The following ANKFN1 variants were observed in gnomAD, a reference collection of about 807,000 sequenced individuals.
The protein encoded by ANKFN1 is ankyrin repeat and fibronectin type-III domain-containing protein 1.
In ANKFN1, 74 loss-of-function variants were observed where a neutral mutation model predicts 108.7. That is an observed-to-expected ratio of 0.68 (90% CI 0.56 to 0.83). The LOEUF is 0.83. Among genes scored for constraint, ANKFN1 ranks in the 40% least tolerant of loss-of-function variants. ANKFN1 has a pLI of 0.00. For synonymous variants in ANKFN1, 547 were observed against 516.2 expected (o/e 1.06, Z -0.81); for missense variants, 1,505 against 1,382.3 (o/e 1.09, Z -1.41).
At chr17:56,262,374 T>C (rs1449784395) in intron 3 of ANKFN1, among the ~76,000 whole-genome samples, 1 of 152,346 alleles carries the variant, frequency 6.6e-6, no homozygotes, top group East Asian at 1.9e-4. Context: ...ACCTATTTTA[T>C]TTTCAAGAAA....
At position 56,513,675 on chromosome 17, in the gene ANKFN1, G is replaced by C. The variant is rs1281052213; in HGVS notation, c.*2406G>C. 6.6e-6 allele frequency among the ~76,000 whole-genome samples: 1 copy of C among 152,098 alleles called. No homozygotes were observed. Among genetic ancestry groups the C allele is most frequent in the Admixed American group, 6.6e-5 (1 of 15,264 alleles). ...TTTGGTCAGTAAGTTCTGGCATACT[G>C]GACCAAAACTGCATTAATTTTAAAC... On this transcript the variant is annotated 3_prime_UTR_variant, in exon 21 of 21. Transcript: ENST00000682825.
chr17:56,275,855 A>AT (rs927025535), intron 3 of ANKFN1, among the ~76,000 whole-genome samples: 17 of 152,014 alleles, frequency 1.1e-4, no homozygotes, highest in African/African-American at 4.1e-4. Context: ...TCAGCACTGT[A>AT]TTTTTTTATT....
intron 3 of ANKFN1, among the ~76,000 whole-genome samples, chr17:56,291,617 A>C (rs16957049): frequency 2.0e-4 from 30 of 152,128 alleles, no homozygotes; most frequent in South Asian, 1.7e-3. Flanking sequence ...ACAGTGGCCT[A>C]GAGTAACCTT....
chr17:56,424,499 G>C (rs2048497352), intron 8 of ANKFN1, among the ~76,000 whole-genome samples: 2 of 152,200 alleles, frequency 1.3e-5, no homozygotes, highest in South Asian at 4.1e-4. Flanking sequence ...GAAAAATGTG[G>C]AAGAAGGTGT....
At position 56,511,291 on chromosome 17, in the gene ANKFN1, A is replaced by G; in HGVS notation, c.*22A>G. 3 of 1,492,226 alleles carry G rather than the reference A, an allele frequency of 2.0e-6. No individual in the cohort carries two copies. The highest frequency in any genetic ancestry group is 2.7e-6 in the Non-Finnish European group (3 of 1,121,614). The allele number at this position is 1,492,226 out of a possible 1,614,324, so 92.4% of individuals were successfully genotyped here. A position where few individuals can be genotyped will look rare whatever the true frequency, so the allele number is the denominator to read the frequency against. The stretch of plus-strand genomic sequence containing the variant: ...TTAGGGAGGCCCATCCCGGCTGTCC[A>G]CCCCTCCATGGCTGCTACCTGCGTT... On this transcript the variant is annotated 3_prime_UTR_variant, in exon 21 of 21. Transcript: ENST00000682825.
At chr17:56,073,581 A>G (rs1037282758) in intron 4 of ANKFN1, among the ~76,000 whole-genome samples, 1 of 152,226 alleles carries the variant, frequency 6.6e-6, no homozygotes, top group African/African-American at 2.4e-5. Context: ...TATATTCATA[A>G]TGTTGTAGAA....
chr17:56,333,400 A>C (rs965021691), intron 4 of ANKFN1, among the ~76,000 whole-genome samples: 1 of 152,130 alleles, frequency 6.6e-6, no homozygotes, highest in Non-Finnish European at 1.5e-5. Flanking sequence ...ATTGCTTTTT[A>C]TGAATCCATA....
chr17:56,058,600 C>A lies in ANKFN1; in HGVS notation c.288+12275C>A, dbSNP rs537525400. ...TTCCCTCCCCTTGCCCCCTACCCCC[C>A]AAAAGGCCCTGCTGTGTGTTGTTCC... On this transcript the variant is annotated intron_variant, in intron 4 of 12. Transcript: ENST00000635860. Among the ~76,000 whole-genome samples the A allele has an allele frequency of 4.2e-5, 6 of 141,472 alleles. No homozygotes were observed. The South Asian group carries it at 1.4e-3, about 33-fold the overall frequency. 92.8% of individuals were successfully genotyped at this position (141,472 alleles called of 152,430 possible).
chr17:56,336,540 T>G (rs1250705568), intron 4 of ANKFN1, among the ~76,000 whole-genome samples: 1 of 152,244 alleles, frequency 6.6e-6, no homozygotes, highest in East Asian at 1.9e-4. Flanking sequence ...TGGTAGTTTG[T>G]ATTTCTGTGG....
At chr17:56,493,553 T>G (rs138299013) in intron 19 of ANKFN1, among the ~76,000 whole-genome samples, 1 of 152,132 alleles carries the variant, frequency 6.6e-6, no homozygotes, top group Non-Finnish European at 1.5e-5. Flanking sequence ...AAGATGTCAA[T>G]GATAGCAGAT....
intron 4 of ANKFN1, among the ~76,000 whole-genome samples, chr17:56,111,818 C>A (rs74546441): frequency 0.013 from 1,964 of 152,276 alleles, 97 homozygotes; most frequent in Admixed American, 0.084. Flanking sequence ...ATACTGGTGG[C>A]ATAACTCATT....
At chr17:56,104,735 G>A (rs1905710212) in intron 4 of ANKFN1, among the ~76,000 whole-genome samples, 1 of 152,190 alleles carries the variant, frequency 6.6e-6, no homozygotes, top group South Asian at 2.1e-4. Flanking sequence ...CTTCTGCTCT[G>A]CTCCCTGGTA....
At chr17:56,228,898 T>C (rs1217951049) in intron 3 of ANKFN1, among the ~76,000 whole-genome samples, 2 of 152,136 alleles carry the variant, frequency 1.3e-5, no homozygotes, top group East Asian at 3.9e-4. Context: ...TTAGACATTC[T>C]AGTACCTATC....
chr17:56,505,684 A>G (rs1353075149), intron 20 of ANKFN1, among the ~76,000 whole-genome samples: 1 of 152,272 alleles, frequency 6.6e-6, no homozygotes, highest in African/African-American at 2.4e-5. Context: ...AGATATAAAT[A>G]CAATGCTCTA....
intron 3 of ANKFN1, among the ~76,000 whole-genome samples, chr17:56,265,103 C>T (rs2043615022): frequency 6.6e-6 from 1 of 152,116 alleles, no homozygotes; most frequent in Admixed American, 6.5e-5. Flanking sequence ...GATATAGGCT[C>T]ATGGGTTTTG....
chr17:56,415,221 A>G (rs1350814567), intron 8 of ANKFN1, among the ~76,000 whole-genome samples: 2 of 152,206 alleles, frequency 1.3e-5, no homozygotes, highest in South Asian at 2.1e-4. Flanking sequence ...ATCAGACAAG[A>G]CAAAGAAATA....
At chr17:56,234,712 A>G (rs1482252215) in intron 3 of ANKFN1, among the ~76,000 whole-genome samples, 1 of 152,174 alleles carries the variant, frequency 6.6e-6, no homozygotes, top group Non-Finnish European at 1.5e-5. Flanking sequence ...ATAGTATTCC[A>G]TGGTATATAT....
At chr17:56,269,307 GTCAC>G (rs1185494009) in intron 3 of ANKFN1, among the ~76,000 whole-genome samples, 3 of 152,148 alleles carry the variant, frequency 2.0e-5, no homozygotes, top group Non-Finnish European at 4.4e-5. Context: ...CCATTTTAAA[GTCAC>G]TCACAACCCT....
chr17:56,181,659 CTTCTT>C (rs1911687151), intron 1 of ANKFN1, among the ~76,000 whole-genome samples: 1 of 152,212 alleles, frequency 6.6e-6, no homozygotes, highest in African/African-American at 2.4e-5. Flanking sequence ...TTTTCTTTCT[CTTCTT>C]AGCATGTACA....
Sources: allele counts gnomAD v4.1 joint callset (sites outside exome capture counted in the v4.1 genomes callset), GRCh38; gene constraint gnomAD v4.1.1; transcripts MANE v1.5; gene names NCBI Gene and HGNC (gene_info 2026-07-23, HGNC 2026-07-21).